The following SAXO5 variants were observed in gnomAD, a reference collection of about 807,000 sequenced individuals.
The protein encoded by SAXO5 is stabilizer of axonemal microtubules 5.
At chr19:7,508,157 C>T in the SAXO5 span, 17 of 1,513,340 alleles carry the variant, frequency 1.1e-5, no homozygotes, top group Middle Eastern at 1.8e-4. Flanking sequence ...CAGGGTGGAT[C>T]GGCCACCTCC....
At chr19:7,503,489 G>A in the SAXO5 span, among the ~76,000 whole-genome samples, 3 of 151,742 alleles carry the variant, frequency 2.0e-5, no homozygotes, top group Non-Finnish European at 2.9e-5. Context: ...GTTTTATTGT[G>A]TGTGTGTGTT....
the SAXO5 span, chr19:7,506,207 C>T: frequency 1.4e-6 from 2 of 1,450,106 alleles, no homozygotes; most frequent in Non-Finnish European, 1.8e-6. Flanking sequence ...AGCCCCGCCC[C>T]GGGAAGCCCC....
At chr19:7,502,556 C>T in the SAXO5 span, among the ~76,000 whole-genome samples, 41 of 152,186 alleles carry the variant, frequency 2.7e-4, no homozygotes, top group African/African-American at 9.7e-4. Flanking sequence ...CCTTGAGCAT[C>T]AGTTTCAGCA....
chr19:7,501,077 G>A, the SAXO5 span: 1 of 1,500,296 alleles, frequency 6.7e-7, no homozygotes, highest in Non-Finnish European at 8.8e-7. Context: ...CGCACCGCGC[G>A]TTCCCGCCGC....
chr19:7,500,672 A>G, the SAXO5 span: 1 of 668,966 alleles, frequency 1.5e-6, no homozygotes, highest in Non-Finnish European at 2.3e-6. Context: ...GTTTCCCGTG[A>G]TGTCCCCAGC....
the SAXO5 span, chr19:7,505,949 C>T: frequency 6.4e-7 from 1 of 1,557,114 alleles, no homozygotes; most frequent in Non-Finnish European, 8.7e-7. Context: ...TTTCAAATGC[C>T]ATGTGGTCCT....
At chr19:7,500,907 G>T in the SAXO5 span, 9 of 1,581,632 alleles carry the variant, frequency 5.7e-6, no homozygotes, top group Non-Finnish European at 7.7e-6. Context: ...CTTCTCGCTG[G>T]GGCCTGACCT....
the SAXO5 span, chr19:7,505,309 A>G: frequency 6.2e-7 from 1 of 1,611,970 alleles, no homozygotes; most frequent in Admixed American, 1.7e-5. Context: ...TGATGGAATA[A>G]TACACTACGT....
At chr19:7,501,142 C>A in the SAXO5 span, 1 of 1,508,642 alleles carries the variant, frequency 6.6e-7, no homozygotes. Context: ...CGCACGCTCG[C>A]CATGCAGGCC....
At chr19:7,508,265 C>G in the SAXO5 span, 1 of 1,614,092 alleles carries the variant, frequency 6.2e-7, no homozygotes, top group Non-Finnish European at 8.5e-7. Flanking sequence ...CAACACAATA[C>G]AAGGACGAGT....
the SAXO5 span, chr19:7,506,990 T>G: frequency 2.9e-6 from 4 of 1,372,222 alleles, no homozygotes; most frequent in Non-Finnish European, 4.1e-6. Context: ...CCCTTGAACT[T>G]CACCACACCC....
the SAXO5 span, chr19:7,505,261 G>T: frequency 3.3e-6 from 5 of 1,493,238 alleles, no homozygotes; most frequent in South Asian, 5.6e-5. Flanking sequence ...GAGATTACAG[G>T]GGTGGGCCAC....
the SAXO5 span, among the ~76,000 whole-genome samples, chr19:7,502,707 C>T: frequency 6.6e-6 from 1 of 152,138 alleles, no homozygotes; most frequent in Non-Finnish European, 1.5e-5. Flanking sequence ...AGCCTTACCA[C>T]CTTAGTAGCT....
the SAXO5 span, among the ~76,000 whole-genome samples, chr19:7,502,819 G>A: frequency 1.3e-5 from 2 of 152,304 alleles, no homozygotes; most frequent in South Asian, 2.1e-4. Context: ...AAAGCTGAAT[G>A]TGTATGGTGT....
the SAXO5 span, among the ~76,000 whole-genome samples, chr19:7,499,363 C>A: frequency 1.3e-5 from 1 of 74,434 alleles, no homozygotes; most frequent in Non-Finnish European, 2.6e-5. Flanking sequence ...GTGAAAGGAG[C>A]GGAGGGGAGG....
the SAXO5 span, chr19:7,501,014 G>T: frequency 6.5e-7 from 1 of 1,527,564 alleles, no homozygotes; most frequent in Middle Eastern, 2.0e-4. Flanking sequence ...CGCCGCCCGC[G>T]CTGCTTTTCC....
At chr19:7,501,805 A>G in the SAXO5 span, among the ~76,000 whole-genome samples, 3 of 151,910 alleles carry the variant, frequency 2.0e-5, no homozygotes, top group African/African-American at 7.3e-5. Flanking sequence ...TGGGAGACAG[A>G]GCAAGGCTCC....
At chr19:7,501,017 G>A in the SAXO5 span, 5 of 1,527,398 alleles carry the variant, frequency 3.3e-6, no homozygotes, top group African/African-American at 4.2e-5. Context: ...CGCCCGCGCT[G>A]CTTTTCCCAA....
chr19:7,507,472 A>G, the SAXO5 span, among the ~76,000 whole-genome samples: 1 of 152,000 alleles, frequency 6.6e-6, no homozygotes, highest in East Asian at 1.9e-4. Flanking sequence ...AATCCCAGCT[A>G]CTAGGGAGGC....
Sources: allele counts gnomAD v4.1 joint callset (sites outside exome capture counted in the v4.1 genomes callset), GRCh38; gene constraint gnomAD v4.1.1; transcripts MANE v1.5; gene names NCBI Gene and HGNC (gene_info 2026-07-23, HGNC 2026-07-21).